The following SCMH1 variants were observed in gnomAD, a reference collection of about 807,000 sequenced individuals.
The protein encoded by SCMH1 is Scm polycomb group protein homolog 1, also known as polycomb protein SCMH1.
SCMH1 carries 37 observed loss-of-function variants against 70.8 expected under a neutral mutation model. That is an observed-to-expected ratio of 0.52 (90% confidence interval 0.40 to 0.69). SCMH1 has a LOEUF of 0.69. SCMH1 is among the 30% of genes least tolerant of loss of function. SCMH1 has a pLI of 0.00. For missense variants in SCMH1, 607 were observed against 827.3 expected (o/e 0.73, Z 3.27); for synonymous variants, 292 against 307.4 (o/e 0.95, Z 0.52).
At chr1:41,090,853 C>A (rs1024471710) in intron 8 of SCMH1, among the ~76,000 whole-genome samples, 1 of 151,928 alleles carries the variant, frequency 6.6e-6, no homozygotes, top group Non-Finnish European at 1.5e-5. Flanking sequence ...TCCTGGCTAA[C>A]ACGGTGAAAC....
chr1:41,083,668 G>C, intron 8 of SCMH1, among the ~76,000 whole-genome samples: 1 of 152,152 alleles, frequency 6.6e-6, no homozygotes, highest in Non-Finnish European at 1.5e-5. Flanking sequence ...GCATCGCCAA[G>C]TCAATCCTAA....
chr1:41,059,774 G>A (rs1018621323), intron 10 of SCMH1, among the ~76,000 whole-genome samples: 1 of 152,160 alleles, frequency 6.6e-6, no homozygotes, highest in Non-Finnish European at 1.5e-5. Flanking sequence ...CCCCAAAAGT[G>A]CTTATCCTAG....
chr1:41,129,892 G>A (rs966612055), intron 6 of SCMH1, among the ~76,000 whole-genome samples: 3 of 152,104 alleles, frequency 2.0e-5, no homozygotes, highest in African/African-American at 7.2e-5. Flanking sequence ...AGGTAGTTGG[G>A]ACTACAGGTG....
At chr1:41,062,694 G>A (rs1159901441) in intron 10 of SCMH1, among the ~76,000 whole-genome samples, 10 of 151,280 alleles carry the variant, frequency 6.6e-5, no homozygotes, top group Non-Finnish European at 1.0e-4. Context: ...AGCTGAGATC[G>A]GGCCACTGCA....
chr1:41,217,512 G>A (rs1230607998), intron 1 of SCMH1, among the ~76,000 whole-genome samples: 1 of 152,220 alleles, frequency 6.6e-6, no homozygotes, highest in Non-Finnish European at 1.5e-5. Context: ...GCATTTGCAT[G>A]TGATTCACAA....
chr1:41,042,989 T>G (rs1310588497), intron 12 of SCMH1: 1 of 152,224 alleles, frequency 6.6e-6, no homozygotes, highest in Non-Finnish European at 1.5e-5. Flanking sequence ...GGATGATCCT[T>G]TATTGAATCC....
intron 2 of SCMH1, among the ~76,000 whole-genome samples, chr1:41,179,386 T>C (rs1035675792): frequency 6.6e-5 from 10 of 151,874 alleles, no homozygotes; most frequent in Admixed American, 3.3e-4. Context: ...CTGAAGGAAA[T>C]AGAGACACAA....
At chr1:41,146,959 A>G (rs1306267074) in intron 5 of SCMH1, among the ~76,000 whole-genome samples, 2 of 151,870 alleles carry the variant, frequency 1.3e-5, no homozygotes, top group African/African-American at 2.4e-5. Context: ...AATTTTTCGT[A>G]TTTGTTAGTT....
intron 2 of SCMH1, among the ~76,000 whole-genome samples, chr1:41,180,686 G>T (rs957027362): frequency 3.9e-5 from 6 of 152,038 alleles, no homozygotes; most frequent in African/African-American, 9.7e-5. Flanking sequence ...CACTGCTCAA[G>T]GAAATAAAAG....
chr1:41,237,800 C>T (rs1662691006), intron 1 of SCMH1, among the ~76,000 whole-genome samples: 1 of 152,182 alleles, frequency 6.6e-6, no homozygotes, highest in African/African-American at 2.4e-5. Flanking sequence ...ACAGCTCCCT[C>T]CTCTGAACTG....
At chr1:41,209,961 C>T (rs529316652) in intron 1 of SCMH1, among the ~76,000 whole-genome samples, 49 of 152,328 alleles carry the variant, frequency 3.2e-4, no homozygotes, top group African/African-American at 1.2e-3. Flanking sequence ...ATTTAGAAAA[C>T]CCCATCGTCT....
At chr1:41,179,878 T>C (rs1648202474) in intron 2 of SCMH1, among the ~76,000 whole-genome samples, 1 of 152,174 alleles carries the variant, frequency 6.6e-6, no homozygotes, top group African/African-American at 2.4e-5. Flanking sequence ...GCCAGCATCA[T>C]CCTGATACCA....
intron 2 of SCMH1, among the ~76,000 whole-genome samples, chr1:41,165,666 G>C (rs1313367500): frequency 6.6e-6 from 1 of 152,012 alleles, no homozygotes; most frequent in Non-Finnish European, 1.5e-5. Flanking sequence ...TAATATATCT[G>C]TGGCCCATTT....
intron 1 of SCMH1, among the ~76,000 whole-genome samples, chr1:41,198,152 G>A (rs1653476220): frequency 6.6e-6 from 1 of 152,090 alleles, no homozygotes; most frequent in East Asian, 1.9e-4. Flanking sequence ...GATATATAGA[G>A]GGTGCTGCCT....
chr1:41,043,686 G>A (rs945850120), intron 12 of SCMH1: 2 of 150,998 alleles, frequency 1.3e-5, no homozygotes, highest in Non-Finnish European at 2.9e-5. Flanking sequence ...ACCCGCCTCA[G>A]GCTCTCAAAG....
At chr1:41,147,178 C>G (rs974789534) in intron 5 of SCMH1, among the ~76,000 whole-genome samples, 1 of 152,124 alleles carries the variant, frequency 6.6e-6, no homozygotes, top group African/African-American at 2.4e-5. Context: ...CATCTCTATT[C>G]ATGTACTTAT....
At chr1:41,140,538 G>A (rs112466076) in intron 6 of SCMH1, among the ~76,000 whole-genome samples, 17 of 152,120 alleles carry the variant, frequency 1.1e-4, no homozygotes, top group African/African-American at 2.2e-4. Flanking sequence ...CGATCTGCCC[G>A]CCTCGGCCTC....
At chr1:41,057,038 C>T (rs1035819901) in intron 10 of SCMH1, among the ~76,000 whole-genome samples, 1 of 152,096 alleles carries the variant, frequency 6.6e-6, no homozygotes, top group African/African-American at 2.4e-5. Flanking sequence ...TAACCAACTC[C>T]AGCCAATGCT....
At chr1:41,041,523 C>T in intron 12 of SCMH1, 1 of 152,162 alleles carries the variant, frequency 6.6e-6, no homozygotes, top group Admixed American at 6.5e-5. Context: ...TGGAGGTCTT[C>T]CTGACACCTT....
Sources: gnomAD v4.1 joint callset for allele counts (sites outside exome capture counted in the v4.1 genomes callset) on GRCh38, gnomAD v4.1.1 for gene constraint, MANE v1.5 for transcripts, NCBI Gene and HGNC (gene_info 2026-07-23, HGNC 2026-07-21) for gene names.